The following PLCB1 variants were observed in gnomAD, a reference collection of about 807,000 sequenced individuals.
The protein encoded by PLCB1 is phospholipase C beta 1.
A neutral mutation model predicts 161.8 loss-of-function variants in PLCB1; 46 were observed. The ratio of observed to expected loss-of-function variants is 0.28; its 90% CI spans 0.22 to 0.36. The LOEUF (loss-of-function observed/expected upper bound fraction) is 0.36. PLCB1 is among the 10% of genes least tolerant of loss of function. PLCB1 has a pLI of 1.00. For missense variants in PLCB1, 1,016 were observed against 1,472.5 expected (o/e 0.69, Z 5.07); for synonymous variants, 517 against 503.7 (o/e 1.03, Z -0.35).
At position 8,392,294 on chromosome 20, in the gene PLCB1, G is replaced by C. The variant is rs145854033; in HGVS notation, c.246+20844G>C. 1.9e-4 allele frequency among the ~76,000 whole-genome samples: 29 copies of C among 152,188 alleles called. No homozygotes were observed. The East Asian group carries it at 5.6e-3, about 29-fold the overall frequency. On this transcript the variant is annotated intron_variant, in intron 3 of 31. Coordinates refer to ENST00000338037, the MANE Select transcript of PLCB1 (RefSeq NM_015192.4). ...GCATTCGAAATGCCACCTTGAAACA[G>C]AGAGCATCCCTCACCAGACACGGAA... is the stretch of plus-strand genomic sequence containing the variant.
intron 5 of PLCB1, 111 bp downstream of exon 5, chr20:8,646,292 C>T: frequency 1.4e-6 from 1 of 734,888 alleles, no homozygotes; most frequent in South Asian, 1.6e-5. Context: ...TTGATAAACA[C>T]AAATTTTCCT....
intron 7 of PLCB1, chr20:8,651,904 T>C (rs1989332750): frequency 5.9e-6 from 1 of 170,848 alleles, no homozygotes; most frequent in African/African-American, 2.4e-5. Flanking sequence ...AGAGAAAACA[T>C]GAGAGATGGA....
At chr20:8,348,966 T>A (rs111835823) in intron 2 of PLCB1, among the ~76,000 whole-genome samples, 4,340 of 152,198 alleles carry the variant, frequency 0.029, 197 homozygotes, top group African/African-American at 0.097. Flanking sequence ...GAAACAAGAC[T>A]TTTAAAAAGG....
chr20:8,307,815 G>T (rs867791215), intron 2 of PLCB1, among the ~76,000 whole-genome samples: 1 of 146,524 alleles, frequency 6.8e-6, no homozygotes, highest in Non-Finnish European at 1.5e-5. Flanking sequence ...CCAGCTACTC[G>T]GGAGGCTGAA....
At chr20:8,239,905 A>G (rs1313745118) in intron 2 of PLCB1, among the ~76,000 whole-genome samples, 2 of 152,044 alleles carry the variant, frequency 1.3e-5, no homozygotes, top group African/African-American at 4.8e-5. Context: ...GGTTTTGGGT[A>G]CAAATCTATA....
At chr20:8,562,599 A>G (rs1017918113) in intron 3 of PLCB1, among the ~76,000 whole-genome samples, 17 of 152,108 alleles carry the variant, frequency 1.1e-4, no homozygotes, top group African/African-American at 4.1e-4. Context: ...GCCTAACAGA[A>G]TGGTGTGCAG....
intron 2 of PLCB1, among the ~76,000 whole-genome samples, chr20:8,176,654 C>T (rs2051786879): frequency 1.3e-5 from 2 of 151,990 alleles, no homozygotes; most frequent in Non-Finnish European, 1.5e-5. Context: ...GCAAGTCAAA[C>T]GGGGGAAATC....
chr20:8,342,579 TC>T (rs1268830413), intron 2 of PLCB1, among the ~76,000 whole-genome samples: 3 of 152,124 alleles, frequency 2.0e-5, no homozygotes, highest in Non-Finnish European at 2.9e-5. Context: ...GAGCATACTC[TC>T]CCAACTTGGT....
chr20:8,275,250 A>AGTGTGTGTGTGTGTGTGTGTGT (rs3031931), intron 2 of PLCB1, among the ~76,000 whole-genome samples: 1 of 145,370 alleles, frequency 6.9e-6, no homozygotes, highest in African/African-American at 2.6e-5. Flanking sequence ...CATCAGCGTG[A>AGTGTGTGTGTGTGTGTGTGTGT]GTGTGTGTGT....
intron 3 of PLCB1, among the ~76,000 whole-genome samples, chr20:8,379,813 G>T (rs1312507130): frequency 6.6e-6 from 1 of 150,918 alleles, no homozygotes; most frequent in East Asian, 1.9e-4. Flanking sequence ...GTTTTGTTTT[G>T]TTTTTTTTCT....
chr20:8,185,026 G>A (rs1317671230), intron 2 of PLCB1, among the ~76,000 whole-genome samples: 1 of 151,824 alleles, frequency 6.6e-6, no homozygotes, highest in Non-Finnish European at 1.5e-5. Context: ...CCACTTATGA[G>A]TGAGAACATG....
intron 2 of PLCB1, among the ~76,000 whole-genome samples, chr20:8,172,039 A>G (rs1039808907): frequency 3.3e-5 from 5 of 152,096 alleles, no homozygotes; most frequent in Admixed American, 2.0e-4. Flanking sequence ...AGTTTGGTGT[A>G]ACCACTGTAA....
At chr20:8,447,976 C>T (rs1310957785) in intron 3 of PLCB1, among the ~76,000 whole-genome samples, 2 of 152,214 alleles carry the variant, frequency 1.3e-5, no homozygotes, top group Non-Finnish European at 2.9e-5. Flanking sequence ...AGGCCCTTGG[C>T]AAAGGTCCTG....
chr20:8,184,640 T>C (rs1435327671), intron 2 of PLCB1, among the ~76,000 whole-genome samples: 1 of 151,802 alleles, frequency 6.6e-6, no homozygotes, highest in Non-Finnish European at 1.5e-5. Context: ...CAATTAAAAT[T>C]GGAAATGCAA....
At chr20:8,368,061 GAA>G (rs1986774676) in intron 2 of PLCB1, among the ~76,000 whole-genome samples, 1 of 152,162 alleles carries the variant, frequency 6.6e-6, no homozygotes, top group African/African-American at 2.4e-5. Context: ...GTGGCTTGGG[GAA>G]TGAATCCTGG....
At chr20:8,509,775 T>TAGATAGATAGATA (rs1445256442) in intron 3 of PLCB1, among the ~76,000 whole-genome samples, 5 of 135,008 alleles carry the variant, frequency 3.7e-5, no homozygotes, top group African/African-American at 1.4e-4. Flanking sequence ...GATAGATAGA[T>TAGATAGATAGATA]AGATAGATAG....
intron 3 of PLCB1, among the ~76,000 whole-genome samples, chr20:8,427,324 A>T (rs896365481): frequency 6.6e-6 from 1 of 152,178 alleles, no homozygotes; most frequent in Non-Finnish European, 1.5e-5. Context: ...CCCAAGCAGA[A>T]AATCTAAAAG....
chr20:8,547,125 A>C (rs895457150), intron 3 of PLCB1, among the ~76,000 whole-genome samples: 1 of 152,154 alleles, frequency 6.6e-6, no homozygotes, highest in Admixed American at 6.6e-5. Context: ...TCACTTCACA[A>C]AACTTTCTCA....
At chr20:8,735,274 C>T (rs1980520153) in intron 19 of PLCB1, among the ~76,000 whole-genome samples, 1 of 152,108 alleles carries the variant, frequency 6.6e-6, no homozygotes, top group African/African-American at 2.4e-5. Context: ...TCTTGAAAAT[C>T]CTACTGTGAC....
Sources: gnomAD v4.1 joint callset for allele counts (sites outside exome capture counted in the v4.1 genomes callset) on GRCh38, gnomAD v4.1.1 for gene constraint, MANE v1.5 for transcripts, NCBI Gene and HGNC (gene_info 2026-07-23, HGNC 2026-07-21) for gene names.